Variants in CLMN observed in about 807,000 individuals in gnomAD.
CLMN encodes calmin.
In CLMN, 57 loss-of-function variants were observed where a neutral mutation model predicts 92.7. The ratio of observed to expected loss-of-function variants is 0.61; its 90% CI spans 0.50 to 0.77. CLMN has a LOEUF of 0.77. Among genes scored for constraint, CLMN ranks in the 30% least tolerant of loss-of-function variants. The pLI, the probability that CLMN is intolerant of heterozygous loss-of-function variation, is 0.00. For synonymous variants in CLMN, 466 were observed against 470.6 expected (o/e 0.99, Z 0.13); for missense variants, 1,158 against 1,237.5 (o/e 0.94, Z 0.96).
chr14:95,305,435 A>G (rs1901238050), intron 1 of CLMN, among the ~76,000 whole-genome samples: 1 of 152,258 alleles, frequency 6.6e-6, no homozygotes, highest in South Asian at 2.1e-4. Context: ...TTTGAAGAAT[A>G]AGAGAGAGTT....
chr14:95,263,168 G>A (rs1320925404), intron 1 of CLMN, among the ~76,000 whole-genome samples: 2 of 152,212 alleles, frequency 1.3e-5, no homozygotes, highest in Non-Finnish European at 2.9e-5. Flanking sequence ...GGCGGAGGAG[G>A]CCTCAGGAAA....
chr14:95,256,266 T>A lies in CLMN; in HGVS notation c.83-26133A>T, dbSNP rs965406044. Reference sequence around the variant, plus strand: ...TTGGGAAGGACTTCACAGCACTCCCTGCCTCCTTTAAAACCCAGTTCTATT... The same window carrying A: ...TTGGGAAGGACTTCACAGCACTCCCAGCCTCCTTTAAAACCCAGTTCTATT... On this transcript the variant is annotated intron_variant, in intron 1 of 12. Coordinates refer to ENST00000298912, the MANE Select transcript of CLMN (RefSeq NM_024734.4). This position sits in a 1 kb window ranked among gnomAD's most constrained non-coding sequence, Gnocchi z 4.9. 1.3e-5 allele frequency among the ~76,000 whole-genome samples: 2 copies of A among 152,210 alleles called. No individual in the cohort carries two copies. The highest frequency in any genetic ancestry group is 2.9e-5 in the Non-Finnish European group (2 of 68,024).
At chr14:95,319,584 A>T in intron 1 of CLMN, 127 bp downstream of exon 1, 2 of 765,366 alleles carry the variant, frequency 2.6e-6, no homozygotes, top group Non-Finnish European at 4.0e-6. Flanking sequence ...TCCCACCTCG[A>T]GGCAAGTGAC....
intron 1 of CLMN, among the ~76,000 whole-genome samples, chr14:95,290,535 T>C (rs1181156008): frequency 6.6e-6 from 1 of 152,152 alleles, no homozygotes; most frequent in Non-Finnish European, 1.5e-5. Flanking sequence ...GCTTTGAAGA[T>C]GGAGGAACAG....
intron 1 of CLMN, among the ~76,000 whole-genome samples, chr14:95,239,831 T>C (rs1023643163): frequency 6.6e-6 from 1 of 152,218 alleles, no homozygotes; most frequent in Non-Finnish European, 1.5e-5. Context: ...GCTTTGGAAA[T>C]AGTCATGTGC....
intron 1 of CLMN, among the ~76,000 whole-genome samples, chr14:95,295,944 G>A (rs1900791711): frequency 6.6e-6 from 1 of 152,244 alleles, no homozygotes; most frequent in South Asian, 2.1e-4. Context: ...AAATGTGGTT[G>A]CTGAAAACAA....
chr14:95,280,539 G>T (rs1308841426), intron 1 of CLMN, among the ~76,000 whole-genome samples: 1 of 152,046 alleles, frequency 6.6e-6, no homozygotes, highest in African/African-American at 2.4e-5. Flanking sequence ...AATGACTTAC[G>T]GTGACCTGGG....
In CLMN at chr14:95,210,806, TG is replaced by T; in HGVS notation, c.681del (p.Ile228LeufsTer8). The T allele has an allele frequency of 6.3e-7, 1 of 1,593,664 alleles. No homozygotes were observed. The highest frequency in any genetic ancestry group is 1.4e-5 in the African/African-American group (1 of 72,852). Reference protein sequence around the residue: ...SGLAFLAVIKAIDPSLVDMKQ... With the variant: ...SGLAFLAVIKXIDPSLVDMKQ... ...TTCATGTCCACCAGGCTGGGGTCAATGGCCTTGATCACCGCCAGGAAAGCCA... is the reference window on the plus strand; with the variant it reads ...TTCATGTCCACCAGGCTGGGGTCAATGCCTTGATCACCGCCAGGAAAGCCA... On this transcript the variant is annotated frameshift_variant, in exon 7 of 13. Coordinates refer to ENST00000298912, the MANE Select transcript of CLMN (RefSeq NM_024734.4). LOFTEE classifies it high-confidence loss of function.
intron 1 of CLMN, among the ~76,000 whole-genome samples, chr14:95,299,058 G>T (rs755820850): frequency 3.3e-5 from 5 of 152,094 alleles, no homozygotes; most frequent in Admixed American, 6.5e-5. Flanking sequence ...CATTTATTGA[G>T]TGCCCTCTAT....
rs1896347403 is a variant in CLMN at position 95,182,343 on chromosome 14, C to T, written c.*9221G>A. On this transcript the variant is annotated 3_prime_UTR_variant, in exon 13 of 13. Transcript: ENST00000298912. ...TTCAATCTGCTCAATAGACCAGACT[C>T]CCCCAAAATAAAACAATGATCACCA... 6.6e-6 allele frequency: 1 copy of T among 152,198 alleles called. No homozygotes were observed. The highest frequency in any genetic ancestry group is 1.5e-5 in the Non-Finnish European group (1 of 68,038). The allele number at this position is 152,198 out of a possible 1,614,324, so 9.4% of individuals were successfully genotyped here. A position where few individuals can be genotyped will look rare whatever the true frequency, so the allele number is the denominator to read the frequency against.
chr14:95,203,702 A>G lies in CLMN; in HGVS notation c.1647T>C (p.Ala549=). Residue 549 remains alanine, a synonymous_variant, in exon 9 of 13, where the codon GCT becomes GCC. Transcript: ENST00000298912. The part of the protein sequence containing the change: ...QIKVNLMTVE[A]LEEGDYFEAI... ...CTTCAAAATAGTCTCCCTCCTCTAA[A>G]GCTTCTACAGTCATCAGGTTAACCT... 2 of 1,614,188 alleles carry G rather than the reference A, an allele frequency of 1.2e-6. No individual in the cohort carries two copies. The highest frequency in any genetic ancestry group is 2.2e-5 in the South Asian group (2 of 91,090).
intron 1 of CLMN, chr14:95,296,333 C>T (rs1339943322): frequency 6.6e-6 from 1 of 152,222 alleles, no homozygotes; most frequent in Admixed American, 6.5e-5. Flanking sequence ...AGGGCAGAGC[C>T]CTTACAACAT....
At chr14:95,228,852 T>C (rs1260611595) in intron 2 of CLMN, among the ~76,000 whole-genome samples, 1 of 152,166 alleles carries the variant, frequency 6.6e-6, no homozygotes, top group East Asian at 1.9e-4. Context: ...TTTTTGTATT[T>C]TTAGTAGAGA....
At chr14:95,232,835 T>C (rs1441913743) in intron 1 of CLMN, among the ~76,000 whole-genome samples, 2 of 152,240 alleles carry the variant, frequency 1.3e-5, no homozygotes, top group Non-Finnish European at 2.9e-5. Context: ...GTGTTTTCCA[T>C]AGTCTGGTTG....
intron 9 of CLMN, among the ~76,000 whole-genome samples, chr14:95,197,754 G>A (rs559875304): frequency 4.1e-4 from 62 of 152,302 alleles, no homozygotes; most frequent in African/African-American, 1.3e-3. Context: ...TTGGAGCCAC[G>A]TCTCAAGAAT....
intron 6 of CLMN, among the ~76,000 whole-genome samples, chr14:95,212,218 G>C (rs1437985910): frequency 6.6e-6 from 1 of 152,220 alleles, no homozygotes; most frequent in Non-Finnish European, 1.5e-5. Flanking sequence ...CTCTTTCATG[G>C]ATTTTATTTA....
chr14:95,241,834 T>A (rs1278786901), intron 1 of CLMN, among the ~76,000 whole-genome samples: 4 of 152,156 alleles, frequency 2.6e-5, no homozygotes, highest in Non-Finnish European at 5.9e-5. Flanking sequence ...CACGCCTGTG[T>A]GTGTGCGTGT....
intron 1 of CLMN, among the ~76,000 whole-genome samples, chr14:95,257,292 A>G (rs559648589): frequency 5.8e-4 from 88 of 152,298 alleles, no homozygotes; most frequent in Admixed American, 1.2e-3. Context: ...CCTGTTTGTT[A>G]CTGTTTTTAT....
chr14:95,315,038 C>T (rs991230294), intron 1 of CLMN, among the ~76,000 whole-genome samples: 2 of 152,152 alleles, frequency 1.3e-5, no homozygotes, highest in African/African-American at 4.8e-5. Flanking sequence ...TGCTGGATAA[C>T]GGTGACCATG....
Sources: gnomAD v4.1 joint callset for allele counts (sites outside exome capture counted in the v4.1 genomes callset) on GRCh38, gnomAD v4.1.1 for gene constraint, Gnocchi (gnomAD v3.1) non-coding constraint, MANE v1.5 for transcripts, NCBI Gene and HGNC (gene_info 2026-07-23, HGNC 2026-07-21) for gene names.